The following SOD2 variants were observed in gnomAD, a reference collection of about 807,000 sequenced individuals.
SOD2 encodes the protein superoxide dismutase 2, also known as superoxide dismutase [Mn], mitochondrial.
A neutral mutation model predicts 27.0 loss-of-function variants in SOD2; 11 were observed. The ratio of observed to expected loss-of-function variants is 0.41; its 90% confidence interval spans 0.26 to 0.67. SOD2 has a LOEUF of 0.67. Among genes scored for constraint, SOD2 ranks in the 30% least tolerant of loss-of-function variants. The pLI is 0.34. For missense variants in SOD2, 250 were observed against 274.5 expected (o/e 0.91, Z 0.63); for synonymous variants, 105 against 103.0 (o/e 1.02, Z -0.12).
Position 159,678,255 on chromosome 6 carries a change from A to C in SOD2, c.*4238T>G, listed in dbSNP as rs1779822145. 6.6e-6 allele frequency: 1 copy of C among 152,216 alleles called. No homozygotes were observed. Among genetic ancestry groups the C allele is most frequent in the Non-Finnish European group, 1.5e-5 (1 of 68,086 alleles). The allele number at this position is 152,216 out of a possible 1,614,324, so 9.4% of individuals were successfully genotyped here. Reference sequence around the variant, plus strand: ...GAAATATCCTTTACAAGCCAGAGGCAATGGCTCACACCTGTAATCTCAGCA... The same window carrying C: ...GAAATATCCTTTACAAGCCAGAGGCCATGGCTCACACCTGTAATCTCAGCA... On this transcript the variant is annotated 3_prime_UTR_variant, in exon 5 of 5. Coordinates refer to ENST00000538183, the MANE Select transcript of SOD2 (RefSeq NM_000636.4).
upstream of SOD2, chr6:159,727,798 G>C: frequency 3.4e-6 from 3 of 873,700 alleles, no homozygotes; most frequent in Non-Finnish European, 4.1e-6. Flanking sequence ...GGGCGGGCAG[G>C]GCCCGAAAGG....
rs1160217182 is a variant in SOD2, at chr6:159,669,836, T to C, written c.*12657A>G. 1 of 152,222 alleles carries C rather than the reference T, an allele frequency of 6.6e-6. No individual in the cohort carries two copies. The highest frequency in any genetic ancestry group is 2.4e-5 in the African/African-American group (1 of 41,460). The allele number at this position is 152,222 out of a possible 1,614,324, so 9.4% of individuals were successfully genotyped here. On this transcript the variant is annotated 3_prime_UTR_variant, in exon 5 of 5. Coordinates refer to ENST00000538183, the MANE Select transcript of SOD2 (RefSeq NM_000636.4). Reference sequence around the variant, plus strand: ...TCTCCATACCTTCACTTTTGGCCTGTCTTTACAGGTGAGGTTTCTTGTAGG... The same window carrying C: ...TCTCCATACCTTCACTTTTGGCCTGCCTTTACAGGTGAGGTTTCTTGTAGG...
chr6:159,749,193 T>C, upstream of SOD2: 57 of 985,876 alleles, frequency 5.8e-5, no homozygotes, highest in Non-Finnish European at 6.6e-5. Context: ...TGAAACTGTT[T>C]GAAGCATTAT....
intron 1 of SOD2, chr6:159,760,194 G>A (rs770083204): frequency 6.6e-6 from 1 of 152,234 alleles, no homozygotes; most frequent in Non-Finnish European, 1.5e-5. Flanking sequence ...ACAGAAGATA[G>A]TTTCACTGCT....
chr6:159,704,253 C>T (rs1777578538), intron 1 of SOD2, among the ~76,000 whole-genome samples: 2 of 152,202 alleles, frequency 1.3e-5, no homozygotes, highest in Admixed American at 1.3e-4. Context: ...GGGTTCATCT[C>T]ACTGGGGCTT....
intron 2 of SOD2, chr6:159,692,290 A>T: frequency 1.3e-6 from 1 of 744,990 alleles, no homozygotes; most frequent in Non-Finnish European, 1.9e-6. Context: ...CCCAAAGCAC[A>T]TTATACAACA....
chr6:159,755,933 CAA>C (rs1175978377), intron 1 of SOD2: 7 of 252,152 alleles, frequency 2.8e-5, no homozygotes, highest in Admixed American at 1.0e-4. Flanking sequence ...AAATACAACA[CAA>C]TGATGTCTGT....
chr6:159,740,850 C>T (rs1196738393), intron 1 of SOD2, among the ~76,000 whole-genome samples: 3 of 151,874 alleles, frequency 2.0e-5, no homozygotes, highest in Admixed American at 6.6e-5. Flanking sequence ...TACGGGCATG[C>T]GCCACCATGC....
intron 1 of SOD2, chr6:159,727,117 C>A: frequency 8.4e-7 from 1 of 1,194,196 alleles, no homozygotes; most frequent in Non-Finnish European, 1.1e-6. Flanking sequence ...TCCCCTCGGC[C>A]GCTTCCCTTA....
chr6:159,709,832 G>A (rs917809156), intron 1 of SOD2, among the ~76,000 whole-genome samples: 1 of 152,020 alleles, frequency 6.6e-6, no homozygotes, highest in Non-Finnish European at 1.5e-5. Context: ...GTTTATTGCG[G>A]CACTACTCAC....
chr6:159,696,178 A>G (rs1230554704), upstream of SOD2, among the ~76,000 whole-genome samples: 2 of 152,196 alleles, frequency 1.3e-5, no homozygotes, highest in Non-Finnish European at 2.9e-5. Context: ...ATGAAATTCC[A>G]TTGAGTCATC....
Position 159,736,251 on chromosome 6 carries a change from T to C in SOD2, c.-116+8879A>G, listed in dbSNP as rs767967294. 6 of 1,597,334 alleles carry C rather than the reference T, an allele frequency of 3.8e-6. No individual in the cohort carries two copies. In the Admixed American group the frequency reaches 1.0e-4, roughly 27 times the overall value. ...TTGAACTTGTTTTCCGCAACTTTTT[T>C]TTTTAGGATTCAAGATGACCAACGA... On this transcript the variant is annotated intron_variant, in intron 1 of 3. Coordinates refer to the SOD2 transcript ENST00000537657.
intron 1 of SOD2, among the ~76,000 whole-genome samples, chr6:159,717,897 ATGTGTGTGTGTGTG>A (rs66742481): frequency 1.3e-5 from 2 of 149,478 alleles, no homozygotes; most frequent in Non-Finnish European, 3.0e-5. Flanking sequence ...ATGTATGGAT[ATGTGTGTGTGTGTG>A]TGTGTGTGTG....
chr6:159,713,534 C>T (rs1777869971), intron 1 of SOD2: 1 of 709,438 alleles, frequency 1.4e-6, no homozygotes, highest in East Asian at 2.5e-5. Flanking sequence ...TGCACAAAGG[C>T]TTCCCCTGTG....
intron 1 of SOD2, among the ~76,000 whole-genome samples, chr6:159,759,945 A>G (rs1780089281): frequency 6.6e-6 from 1 of 152,260 alleles, no homozygotes; most frequent in South Asian, 2.1e-4. Flanking sequence ...CATAAAGAAT[A>G]TTGGTGTTCA....
Position 159,726,721 on chromosome 6 carries a change from C to G in SOD2, c.-116+408G>C, listed in dbSNP as rs1303545425. Reference sequence around the variant, plus strand: ...AACGCCGCGGACACAGCGCAACCTCCGACGCCAGAGAACAATAGCTCCTCG... The same window carrying G: ...AACGCCGCGGACACAGCGCAACCTCGGACGCCAGAGAACAATAGCTCCTCG... On this transcript the variant is annotated intron_variant, in intron 1 of 2. Transcript: ENST00000401980. 33 of 1,254,546 alleles carry G rather than the reference C, an allele frequency of 2.6e-5. 1 individual carries two copies. In the East Asian group the frequency reaches 1.8e-3, roughly 67 times the overall value. 77.7% of individuals were successfully genotyped at this position (1,254,546 alleles called of 1,614,324 possible).
intron 1 of SOD2, among the ~76,000 whole-genome samples, chr6:159,715,903 G>GA (rs36055546): frequency 0.025 from 3,247 of 128,658 alleles, 122 homozygotes; most frequent in African/African-American, 0.088. Context: ...CTGTCTCAAG[G>GA]AAAAAAAAAA....
At chr6:159,729,707 T>C (rs1157923114), upstream of SOD2, among the ~76,000 whole-genome samples, 1 of 152,232 alleles carries the variant, frequency 6.6e-6, no homozygotes, top group Non-Finnish European at 1.5e-5. Flanking sequence ...ACATGGCAGA[T>C]AGAGGATAAG....
chr6:159,759,936 A>G (rs962855160), intron 1 of SOD2, among the ~76,000 whole-genome samples: 23 of 152,248 alleles, frequency 1.5e-4, no homozygotes, highest in African/African-American at 5.3e-4. Flanking sequence ...GGCACTGGCC[A>G]TAAAGAATAT....
Sources: allele counts gnomAD v4.1 joint callset (sites outside exome capture counted in the v4.1 genomes callset), GRCh38; gene constraint gnomAD v4.1.1; transcripts MANE v1.5; gene names NCBI Gene and HGNC (gene_info 2026-07-23, HGNC 2026-07-21).